Variants in TGFBR3 observed in about 807,000 individuals in gnomAD.
TGFBR3 encodes transforming growth factor beta receptor type 3.
TGFBR3 carries 46 observed loss-of-function variants against 87.9 expected under a neutral mutation model. The observed-to-expected ratio is 0.52, with a 90% CI of 0.41 to 0.67. The LOEUF is 0.67. Ranked by LOEUF, TGFBR3 falls within the 30% of genes least tolerant of loss-of-function variation. The pLI is 0.00. For synonymous variants in TGFBR3, 381 were observed against 391.6 expected (o/e 0.97, Z 0.32); for missense variants, 866 against 1,041.9 (o/e 0.83, Z 2.32).
In TGFBR3 at chr1:91,788,821, T is replaced by C. The variant is rs568588002; in HGVS notation, c.246+8466A>G. Among the ~76,000 whole-genome samples, 18 of 152,352 alleles carry C rather than the reference T, an allele frequency of 1.2e-4. No individual in the cohort carries two copies. In the East Asian group the frequency reaches 3.5e-3, roughly 29 times the overall value. On this transcript the variant is annotated intron_variant, in intron 3 of 16. Coordinates refer to ENST00000212355, the MANE Select transcript of TGFBR3 (RefSeq NM_003243.5). Reference sequence around the variant, plus strand: ...GTTCTAAGAGCAAAATGTCACATTTTTAAATGCAGAGAGTGCTCTTGTAAA... The same window carrying C: ...GTTCTAAGAGCAAAATGTCACATTTCTAAATGCAGAGAGTGCTCTTGTAAA...
At chr1:91,745,035 T>TC in intron 4 of TGFBR3, among the ~76,000 whole-genome samples, 1 of 144,620 alleles carries the variant, frequency 6.9e-6, no homozygotes, top group African/African-American at 2.6e-5. Flanking sequence ...CACACACACA[T>TC]CCCCTACAAC....
At chr1:91,805,392 GTT>G (rs1675790625) in intron 2 of TGFBR3, among the ~76,000 whole-genome samples, 1 of 152,178 alleles carries the variant, frequency 6.6e-6, no homozygotes, top group Admixed American at 6.5e-5. Flanking sequence ...GTCGTGTCTT[GTT>G]TGAACTGAAG....
At chr1:91,698,992 A>G (rs183091277) in intron 14 of TGFBR3, among the ~76,000 whole-genome samples, 21 of 149,972 alleles carry the variant, frequency 1.4e-4, no homozygotes, top group Non-Finnish European at 2.8e-4. Context: ...CCCCAGAGTG[A>G]ATATTCTAGA....
At chr1:91,723,340 G>C (rs1231270814) in intron 7 of TGFBR3, among the ~76,000 whole-genome samples, 1 of 151,870 alleles carries the variant, frequency 6.6e-6, no homozygotes, top group Non-Finnish European at 1.5e-5. Flanking sequence ...AATTAGCCAG[G>C]CATGGTGGCA....
At chr1:91,875,998 C>T (rs767615318) in intron 1 of TGFBR3, among the ~76,000 whole-genome samples, 4 of 92,448 alleles carry the variant, frequency 4.3e-5, no homozygotes, top group Admixed American at 1.4e-4. Flanking sequence ...CAGGAGAACT[C>T]GTTTCAGGGA....
intron 2 of TGFBR3, among the ~76,000 whole-genome samples, chr1:91,842,630 G>A (rs1290846837): frequency 1.3e-5 from 2 of 152,178 alleles, no homozygotes; most frequent in African/African-American, 4.8e-5. Flanking sequence ...TCCATTGGGA[G>A]CACAAAGCTA....
intron 2 of TGFBR3, among the ~76,000 whole-genome samples, chr1:91,835,555 C>A (rs1314865567): frequency 1.3e-5 from 2 of 152,132 alleles, no homozygotes; most frequent in Non-Finnish European, 2.9e-5. Context: ...ACAGGCCAGG[C>A]GTGGTGCTCA....
intron 16 of TGFBR3, among the ~76,000 whole-genome samples, chr1:91,690,608 G>T (rs575705335): frequency 6.6e-6 from 1 of 152,078 alleles, no homozygotes; most frequent in East Asian, 1.9e-4. Context: ...CGGGAAAAGC[G>T]CCAGGATTAT....
intron 2 of TGFBR3, among the ~76,000 whole-genome samples, chr1:91,832,589 TA>T (rs1676889280): frequency 1.3e-5 from 2 of 152,148 alleles, no homozygotes; most frequent in Non-Finnish European, 2.9e-5. Flanking sequence ...CTCAAAGTCA[TA>T]AAATTATTGA....
chr1:91,780,401 A>G (rs1674717129), intron 3 of TGFBR3, among the ~76,000 whole-genome samples: 1 of 152,126 alleles, frequency 6.6e-6, no homozygotes, highest in Non-Finnish European at 1.5e-5. Context: ...TGCTATTGGG[A>G]CTGGAAAATT....
At chr1:91,869,854 CA>C (rs1217703165) in intron 1 of TGFBR3, among the ~76,000 whole-genome samples, 2 of 152,104 alleles carry the variant, frequency 1.3e-5, no homozygotes, top group Non-Finnish European at 2.9e-5. Flanking sequence ...AGAAATTAAA[CA>C]AGAAAATCTT....
At chr1:91,765,380 A>T (rs1674142086) in intron 3 of TGFBR3, among the ~76,000 whole-genome samples, 1 of 151,772 alleles carries the variant, frequency 6.6e-6, no homozygotes, top group South Asian at 2.1e-4. Context: ...AGTCATATTG[A>T]CCTGTTTTTC....
chr1:91,681,357 T>C lies in TGFBR3; in HGVS notation c.*2382A>G, dbSNP rs1670902681. On this transcript the variant is annotated 3_prime_UTR_variant, in exon 17 of 17. Transcript: ENST00000212355. The stretch of plus-strand genomic sequence containing the variant: ...GATTTCTTGATCTGAATAATAATTC[T>C]GACAATGAGACCCAAACAAATAAAA... 2.3e-6 allele frequency: 1 copy of C among 441,506 alleles called. No individual in the cohort carries two copies. The highest frequency in any genetic ancestry group is 2.5e-5 in the Admixed American group (1 of 40,492). 27.3% of individuals were successfully genotyped at this position (441,506 alleles called of 1,614,324 possible). A position where few individuals can be genotyped will look rare whatever the true frequency, so the allele number is the denominator to read the frequency against.
intron 1 of TGFBR3, among the ~76,000 whole-genome samples, chr1:91,862,280 A>T (rs1678232687): frequency 2.0e-5 from 3 of 152,230 alleles, no homozygotes; most frequent in Admixed American, 1.3e-4. Context: ...ATGACACTTG[A>T]TACATGCAAC....
intron 7 of TGFBR3, among the ~76,000 whole-genome samples, chr1:91,726,954 A>C (rs1416318335): frequency 2.0e-5 from 3 of 152,226 alleles, no homozygotes; most frequent in Non-Finnish European, 4.4e-5. Flanking sequence ...TACTTTACCA[A>C]GTTTCAACAT....
chr1:91,859,994 G>A (rs1051744910), intron 2 of TGFBR3, among the ~76,000 whole-genome samples: 6 of 151,380 alleles, frequency 4.0e-5, no homozygotes, highest in African/African-American at 9.7e-5. Flanking sequence ...GCTGACTCTC[G>A]CTTAGTCTAC....
chr1:91,857,697 G>C (rs1678014269), intron 2 of TGFBR3, among the ~76,000 whole-genome samples: 1 of 152,182 alleles, frequency 6.6e-6, no homozygotes, highest in Non-Finnish European at 1.5e-5. Flanking sequence ...CCAGTGCTTT[G>C]AGAGGCTGAG....
At position 91,720,248 on chromosome 1, in the gene TGFBR3, C is replaced by CA; in HGVS notation, c.1076-19dup. On this transcript the variant is annotated intron_variant, in intron 8 of 16. Transcript: ENST00000212355. ...CTCCTCTGCTGGTGAAAGAAGAAGG[C>CA]AAAACATCAGCAGTGTTTGATGCCA... is the stretch of plus-strand genomic sequence containing the variant. 6.4e-7 allele frequency: 1 copy of CA among 1,563,426 alleles called. No individual in the cohort carries two copies.
intron 1 of TGFBR3, among the ~76,000 whole-genome samples, chr1:91,876,466 G>A (rs918211408): frequency 2.6e-5 from 4 of 152,112 alleles, no homozygotes; most frequent in Non-Finnish European, 4.4e-5. Context: ...GCTAGGCTTC[G>A]CACCTCCATA....
Sources: allele counts gnomAD v4.1 joint callset (sites outside exome capture counted in the v4.1 genomes callset), GRCh38; gene constraint gnomAD v4.1.1; transcripts MANE v1.5; gene names NCBI Gene and HGNC (gene_info 2026-07-23, HGNC 2026-07-21).